Variants in CNTN3 observed in about 807,000 individuals in gnomAD.
CNTN3 encodes the protein contactin 3.
In CNTN3, 60 loss-of-function variants were observed where a neutral mutation model predicts 119.1. That is an observed-to-expected ratio of 0.50 (90% CI 0.41 to 0.62). The LOEUF is 0.62. Ranked by LOEUF, CNTN3 falls within the 20% of genes least tolerant of loss-of-function variation. The pLI, the probability that CNTN3 is intolerant of heterozygous loss-of-function variation, is 0.00. For synonymous variants in CNTN3, 450 were observed against 438.7 expected (o/e 1.03, Z -0.32); for missense variants, 1,101 against 1,242.4 (o/e 0.89, Z 1.71).
chr3:74,360,598 A>G (rs1179323329), intron 11 of CNTN3, among the ~76,000 whole-genome samples: 1 of 152,198 alleles, frequency 6.6e-6, no homozygotes, highest in Non-Finnish European at 1.5e-5. Context: ...TCTGGAGGTC[A>G]GAAGTTCAGT....
chr3:74,273,646 A>G (rs1167650441), intron 20 of CNTN3, among the ~76,000 whole-genome samples: 1 of 152,192 alleles, frequency 6.6e-6, no homozygotes, highest in African/African-American at 2.4e-5. Flanking sequence ...TAGAAGAAGC[A>G]GCGGGAAAGG....
rs139253363 is a variant in CNTN3, at chr3:74,298,085, G to A, written c.2273C>T (p.Thr758Ile). The A allele has an allele frequency of 3.3e-5, 54 of 1,613,958 alleles. No homozygotes were observed. In the African/African-American group the frequency reaches 6.5e-4, roughly 20 times the overall value. Residue 758 changes from threonine to isoleucine, a missense_variant, in exon 18 of 23, where the codon ACC becomes ATC. By Grantham distance (89) the Thr-to-Ile change is moderately conservative. Transcript: ENST00000263665. ...WIQTVVTSPD[T>I]PRYVFRNESI... ...TTCATTCCTAAAGACATATCTTGGG[G>A]TGTCAGGGGATGTCACCACTGTCTG...
chr3:74,372,598 A>C (rs1704369529), intron 5 of CNTN3, among the ~76,000 whole-genome samples: 1 of 152,178 alleles, frequency 6.6e-6, no homozygotes, highest in Admixed American at 6.5e-5. Flanking sequence ...TTTAAAAAAA[A>C]AAAAACTTTT....
At chr3:74,458,061 G>A (rs1421616769) in intron 4 of CNTN3, among the ~76,000 whole-genome samples, 3 of 151,988 alleles carry the variant, frequency 2.0e-5, no homozygotes, top group Non-Finnish European at 4.4e-5. Flanking sequence ...AACTAAGAGT[G>A]TTCCAGACAA....
At chr3:74,299,672 A>T (rs1456958537) in intron 17 of CNTN3, among the ~76,000 whole-genome samples, 196 bp downstream of exon 17, 3 of 152,168 alleles carry the variant, frequency 2.0e-5, no homozygotes, top group Admixed American at 6.5e-5. Flanking sequence ...TACTAGGGCT[A>T]CAACCACCAC....
Position 74,381,980 on chromosome 3 carries a change from G to A in CNTN3, c.455-10581C>T, listed in dbSNP as rs534607573. Among the ~76,000 whole-genome samples the A allele has an allele frequency of 7.9e-5, 12 of 152,140 alleles. No homozygotes were observed. In the East Asian group the frequency reaches 1.5e-3, roughly 20 times the overall value. On this transcript the variant is annotated intron_variant, in intron 5 of 22. Coordinates refer to ENST00000263665, the MANE Select transcript of CNTN3 (RefSeq NM_020872.3). ...TACCAGCACTTTGGGAGGCCGAGGC[G>A]GGTGGATCACCTGTGGTCGGGAGTT...
chr3:74,330,015 T>C (rs949116593), intron 13 of CNTN3, among the ~76,000 whole-genome samples: 1 of 152,170 alleles, frequency 6.6e-6, no homozygotes, highest in Admixed American at 6.5e-5. Context: ...ACATAAGGAC[T>C]TTTTGGTCAA....
chr3:74,492,317 G>A (rs961468880), intron 3 of CNTN3, among the ~76,000 whole-genome samples: 1 of 152,044 alleles, frequency 6.6e-6, no homozygotes, highest in Non-Finnish European at 1.5e-5. Context: ...GAAATATTTG[G>A]GGTACTGGAA....
intron 11 of CNTN3, among the ~76,000 whole-genome samples, chr3:74,360,356 T>C (rs1189469555): frequency 6.6e-6 from 1 of 152,168 alleles, no homozygotes; most frequent in Non-Finnish European, 1.5e-5. Context: ...CTGTACAAAA[T>C]GTGGCACTGA....
intron 17 of CNTN3, 126 bp downstream of exon 17, chr3:74,299,742 G>T: frequency 3.2e-6 from 2 of 634,096 alleles, no homozygotes; most frequent in East Asian, 2.9e-5. Context: ...AGCAGCAGCA[G>T]CACCCACCAG....
chr3:74,579,688 G>C (rs1458497571), intron 1 of CNTN3, among the ~76,000 whole-genome samples: 2 of 151,904 alleles, frequency 1.3e-5, no homozygotes, highest in African/African-American at 2.4e-5. Context: ...GGAAATTAAA[G>C]ATAAAATAGA....
intron 4 of CNTN3, among the ~76,000 whole-genome samples, chr3:74,433,704 C>A (rs1701822438): frequency 6.6e-6 from 1 of 152,154 alleles, no homozygotes; most frequent in East Asian, 1.9e-4. Context: ...CAAACTTTTC[C>A]TTTTCCCCAA....
chr3:74,475,366 G>A (rs763788875), intron 4 of CNTN3, among the ~76,000 whole-genome samples: 23 of 152,148 alleles, frequency 1.5e-4, no homozygotes, highest in African/African-American at 4.3e-4. Flanking sequence ...AGCTTACACC[G>A]TGGTTGCTGG....
chr3:74,419,870 AG>A (rs1486126788), intron 5 of CNTN3, among the ~76,000 whole-genome samples: 2 of 152,196 alleles, frequency 1.3e-5, no homozygotes, highest in African/African-American at 4.8e-5. Flanking sequence ...TACTGAAAAC[AG>A]GGTAATTTTT....
intron 20 of CNTN3, among the ~76,000 whole-genome samples, chr3:74,284,055 A>G (rs1348438136): frequency 6.6e-6 from 1 of 152,168 alleles, no homozygotes; most frequent in African/African-American, 2.4e-5. Flanking sequence ...TTCTATACCT[A>G]ATACAAAGAT....
chr3:74,453,399 TTCTC>T (rs1338234756), intron 4 of CNTN3, among the ~76,000 whole-genome samples: 4 of 152,322 alleles, frequency 2.6e-5, no homozygotes, highest in African/African-American at 7.2e-5. Context: ...TATTTGATTC[TTCTC>T]TCTTTTTTTC....
intron 5 of CNTN3, among the ~76,000 whole-genome samples, chr3:74,382,344 A>G (rs1453729433): frequency 6.6e-6 from 1 of 152,258 alleles, no homozygotes; most frequent in Non-Finnish European, 1.5e-5. Context: ...CATATCAACT[A>G]GCTCACATAC....
At chr3:74,567,419 C>A (rs1036427360) in intron 1 of CNTN3, among the ~76,000 whole-genome samples, 3 of 145,502 alleles carry the variant, frequency 2.1e-5, no homozygotes, top group Non-Finnish European at 4.5e-5. Context: ...CTTGGGCTCC[C>A]AAAGTGTTGG....
At chr3:74,382,228 AAT>A (rs1373031827) in intron 5 of CNTN3, among the ~76,000 whole-genome samples, 1 of 152,072 alleles carries the variant, frequency 6.6e-6, no homozygotes, top group Non-Finnish European at 1.5e-5. Context: ...TAATAATAGC[AAT>A]GTTTATCTAT....
Sources: gnomAD v4.1 joint callset for allele counts (sites outside exome capture counted in the v4.1 genomes callset) on GRCh38, gnomAD v4.1.1 for gene constraint, MANE v1.5 for transcripts, NCBI Gene and HGNC (gene_info 2026-07-23, HGNC 2026-07-21) for gene names.